Variants in DNAJC15 observed in about 807,000 individuals in gnomAD.
DNAJC15 encodes the protein dnaJ homolog subfamily C member 15.
DNAJC15 carries 27 observed loss-of-function variants against 22.4 expected under a neutral mutation model. The observed-to-expected ratio is 1.20, with a 90% CI of 0.89 to 1.66. DNAJC15 has a LOEUF of 1.66. DNAJC15 is among the 40% of genes most tolerant of loss of function. The pLI, the probability that DNAJC15 is intolerant of heterozygous loss-of-function variation, is 0.00. For missense variants in DNAJC15, 208 were observed against 187.1 expected, an observed-to-expected ratio of 1.11 and a Z score of -0.65; for synonymous variants, 79 against 63.2, an observed-to-expected ratio of 1.25 and a Z score of -1.19.
chr13:43,032,960 A>G (rs1255646824), intron 1 of DNAJC15, among the ~76,000 whole-genome samples: 1 of 152,236 alleles, frequency 6.6e-6, no homozygotes, highest in Non-Finnish European at 1.5e-5. Context: ...AAAACTTACA[A>G]TCATGGCAGA....
At chr13:43,046,897 G>A (rs1327908795) in intron 1 of DNAJC15, among the ~76,000 whole-genome samples, 1 of 152,182 alleles carries the variant, frequency 6.6e-6, no homozygotes, top group Admixed American at 6.5e-5. Flanking sequence ...CACCTGATCA[G>A]GCTAAAGGCT....
At chr13:43,032,783 CCA>C (rs1566199371) in intron 1 of DNAJC15, among the ~76,000 whole-genome samples, 1 of 152,136 alleles carries the variant, frequency 6.6e-6, no homozygotes, top group Non-Finnish European at 1.5e-5. Context: ...CCAGATCACA[CCA>C]CTGCACTGTA....
rs1166237776 is a variant in DNAJC15, at chr13:43,023,741, C to T, written c.108+7C>T. On this transcript the variant is annotated splice_region_variant and intron_variant, in intron 1 of 5. Coordinates refer to ENST00000379221, the MANE Select transcript of DNAJC15 (RefSeq NM_013238.3). ...CGTCGACCAGCAGAGACTGGTGAGT[C>T]CTGCCAGCGGCCCCCACCCCTCTCT... The T allele has an allele frequency of 1.0e-5, 16 of 1,601,082 alleles. No homozygotes were observed. The highest frequency in any genetic ancestry group is 1.3e-5 in the African/African-American group (1 of 74,650).
At chr13:43,036,842 C>T (rs2040431162) in intron 1 of DNAJC15, among the ~76,000 whole-genome samples, 1 of 152,264 alleles carries the variant, frequency 6.6e-6, no homozygotes, top group South Asian at 2.1e-4. Context: ...TGCATGCACA[C>T]CCGGCTGGGT....
chr13:43,031,790 C>T (rs1266990471), intron 1 of DNAJC15, among the ~76,000 whole-genome samples: 1 of 152,198 alleles, frequency 6.6e-6, no homozygotes, highest in Non-Finnish European at 1.5e-5. Flanking sequence ...GCTTTGTTGC[C>T]TCTGTGCTCT....
intron 4 of DNAJC15, among the ~76,000 whole-genome samples, chr13:43,083,313 G>T (rs1298653163): frequency 6.6e-6 from 1 of 151,852 alleles, no homozygotes; most frequent in East Asian, 1.9e-4. Context: ...GACCACAGGC[G>T]CCCGCCACCA....
intron 5 of DNAJC15, among the ~76,000 whole-genome samples, chr13:43,094,727 G>C (rs11619566): frequency 0.2 from 30,667 of 152,026 alleles, 3,356 homozygotes; most frequent in South Asian, 0.39. Context: ...GCCTTTTTCA[G>C]TTGAGTTCTA....
At chr13:43,099,256 A>C (rs911292875) in intron 5 of DNAJC15, among the ~76,000 whole-genome samples, 8 of 152,178 alleles carry the variant, frequency 5.3e-5, no homozygotes, top group Admixed American at 2.6e-4. Context: ...AACCTTGCTG[A>C]ACTTATTTAT....
rs2040655835 is a variant in DNAJC15, at chr13:43,080,305, G to A, written c.311+1617G>A. On this transcript the variant is annotated intron_variant, in intron 4 of 5. Coordinates refer to ENST00000379221, the MANE Select transcript of DNAJC15 (RefSeq NM_013238.3). The stretch of plus-strand genomic sequence containing the variant: ...AGCTCCCACATGTAAGTGAGAACAT[G>A]TGATATTTGGTTTTCTGTTTCTGCA... 2.0e-5 allele frequency among the ~76,000 whole-genome samples: 3 copies of A among 152,142 alleles called. No individual in the cohort carries two copies. The South Asian group carries it at 6.2e-4, about 31-fold the overall frequency.
chr13:43,103,388 G>A (rs1247319063), intron 5 of DNAJC15, among the ~76,000 whole-genome samples: 1 of 152,160 alleles, frequency 6.6e-6, no homozygotes, highest in Admixed American at 6.5e-5. Flanking sequence ...TTTTACAGGG[G>A]TACACTGTTA....
rs960812443 is a variant in DNAJC15 at position 43,112,093 on chromosome 13, T to C, written c.*4845T>C. On this transcript the variant is annotated 3_prime_UTR_variant, in exon 6 of 6. Transcript: ENST00000379221. The stretch of plus-strand genomic sequence containing the variant: ...ACAAAGAAAATGTTCCTTCTAATGA[T>C]TTTTTATGAGCTGAGTAGCTATTGT... 1 of 152,220 alleles carries C rather than the reference T, an allele frequency of 6.6e-6. No individual in the cohort carries two copies. The highest frequency in any genetic ancestry group is 1.5e-5 in the Non-Finnish European group (1 of 68,034). 9.4% of individuals were successfully genotyped at this position (152,220 alleles called of 1,614,324 possible). A position where few individuals can be genotyped will look rare whatever the true frequency, so the allele number is the denominator to read the frequency against.
chr13:43,061,267 G>A (rs1175416680), intron 1 of DNAJC15, among the ~76,000 whole-genome samples: 2 of 152,198 alleles, frequency 1.3e-5, no homozygotes, highest in Non-Finnish European at 2.9e-5. Context: ...CAGTGGGGGA[G>A]TGGGTGGGAG....
At chr13:43,053,037 C>T (rs1237262154) in intron 1 of DNAJC15, among the ~76,000 whole-genome samples, 1 of 152,044 alleles carries the variant, frequency 6.6e-6, no homozygotes, top group Non-Finnish European at 1.5e-5. Context: ...AATTTTTATG[C>T]TTTTAGGTCT....
chr13:43,069,304 A>G (rs1241222372), intron 3 of DNAJC15, among the ~76,000 whole-genome samples: 1 of 152,194 alleles, frequency 6.6e-6, no homozygotes, highest in Non-Finnish European at 1.5e-5. Flanking sequence ...CATTTATTCA[A>G]TAAACATTTA....
chr13:43,043,650 T>C (rs2040463965), intron 1 of DNAJC15, among the ~76,000 whole-genome samples: 1 of 152,064 alleles, frequency 6.6e-6, no homozygotes, highest in South Asian at 2.1e-4. Flanking sequence ...AGCCTAAGAG[T>C]TTTGTTTCCT....
chr13:43,062,969 T>C (rs1018670382), intron 1 of DNAJC15, among the ~76,000 whole-genome samples: 1 of 152,038 alleles, frequency 6.6e-6, no homozygotes, highest in Non-Finnish European at 1.5e-5. Context: ...TCCATCTACC[T>C]CGGCTTCCCA....
Position 43,112,331 on chromosome 13 carries a change from T to C in DNAJC15, c.*5083T>C, listed in dbSNP as rs1288701737. ...CCAAATTTTAAGTCTGAACAGACTATATTACATAGATGTAGAGAAATACTC... is the reference window on the plus strand; with the variant it reads ...CCAAATTTTAAGTCTGAACAGACTACATTACATAGATGTAGAGAAATACTC... On this transcript the variant is annotated 3_prime_UTR_variant, in exon 6 of 6. Transcript: ENST00000379221. The C allele has an allele frequency of 6.6e-6, 1 of 152,260 alleles. No homozygotes were observed. The highest frequency in any genetic ancestry group is 1.5e-5 in the Non-Finnish European group (1 of 68,050). 9.4% of individuals were successfully genotyped at this position (152,260 alleles called of 1,614,324 possible). A position where few individuals can be genotyped will look rare whatever the true frequency, so the allele number is the denominator to read the frequency against.
At chr13:43,092,643 A>G (rs1278701526) in intron 5 of DNAJC15, among the ~76,000 whole-genome samples, 2 of 152,020 alleles carry the variant, frequency 1.3e-5, no homozygotes, top group African/African-American at 4.8e-5. Context: ...CTTGATAGAT[A>G]CATTTTTTTA....
At chr13:43,093,704 T>A (rs2040726087) in intron 5 of DNAJC15, among the ~76,000 whole-genome samples, 1 of 152,208 alleles carries the variant, frequency 6.6e-6, no homozygotes, top group African/African-American at 2.4e-5. Flanking sequence ...CATGAGCCAC[T>A]GTGCTGGCCT....
Sources: allele counts gnomAD v4.1 joint callset (sites outside exome capture counted in the v4.1 genomes callset), GRCh38; gene constraint gnomAD v4.1.1; transcripts MANE v1.5; gene names NCBI Gene and HGNC (gene_info 2026-07-23, HGNC 2026-07-21).